SYNE1: variants seen among roughly 807,000 people sequenced by gnomAD.
SYNE1 encodes spectrin repeat containing nuclear envelope protein 1.
Under a neutral mutation model 1,111.0 loss-of-function variants are expected in SYNE1, and 616 were observed. That is an observed-to-expected ratio of 0.55 (90% CI 0.52 to 0.59). The LOEUF (loss-of-function observed/expected upper bound fraction) is 0.59. Ranked by LOEUF, SYNE1 falls within the 20% of genes least tolerant of loss-of-function variation. The probability of loss-of-function intolerance (pLI) is 0.00; values close to 1 mark genes in which losing one functional copy is unlikely to be tolerated. For synonymous variants in SYNE1, 3,855 were observed against 3,825.8 expected (o/e 1.01, Z -0.28); for missense variants, 10,006 against 10,417.0 (o/e 0.96, Z 1.72).
Position 152,331,458 on chromosome 6 carries a change from G to A in SYNE1, c.13227C>T (p.Asp4409=). Residue 4409 remains aspartate, a synonymous_variant, in exon 78 of 146, where the codon GAC becomes GAT. Coordinates refer to ENST00000367255, the MANE Select transcript of SYNE1 (RefSeq NM_182961.4). ...MLLKSLIKDA[D]RVMADLGLNE... Reference sequence around the variant, plus strand: ...TGAGACCAAGATCTGCCATGACCCTGTCTGCGTCCTTTATAAGCGATTTCA... The same window carrying A: ...TGAGACCAAGATCTGCCATGACCCTATCTGCGTCCTTTATAAGCGATTTCA... The A allele has an allele frequency of 6.2e-7, 1 of 1,614,150 alleles. No homozygotes were observed. Among genetic ancestry groups the A allele is most frequent in the Non-Finnish European group, 8.5e-7 (1 of 1,180,032 alleles).
Position 152,167,755 on chromosome 6 carries a change from T to C in SYNE1, c.23628-3430A>G, listed in dbSNP as rs755935908. On this transcript the variant is annotated intron_variant, in intron 130 of 145. Transcript: ENST00000367255. ...TTCAGTTTCATCAGAAGCCCATCCT[T>C]TAAATAGCAGATGATGGACTAACTG... 1.6e-5 allele frequency: 9 copies of C among 546,976 alleles called. No homozygotes were observed. The African/African-American group carries it at 1.7e-4, about 10-fold the overall frequency. The allele number at this position is 546,976 out of a possible 1,614,324, so 33.9% of individuals were successfully genotyped here.
In SYNE1 at chr6:152,263,114, T is replaced by C. The variant is rs377350847; in HGVS notation, c.18816-926A>G. 7.4e-3 allele frequency among the ~76,000 whole-genome samples: 1,110 copies of C among 150,952 alleles called. 13 individuals are homozygous for C. Among genetic ancestry groups the C allele is most frequent in the African/African-American group, 0.025 (1,023 of 40,948 alleles). On this transcript the variant is annotated intron_variant, in intron 100 of 145. Coordinates refer to ENST00000367255, the MANE Select transcript of SYNE1 (RefSeq NM_182961.4). ...GGACACGGAAAGATAGTACAGGGCCTGGGAAGGTAGTACAGGACACAGGAA... is the reference window on the plus strand; with the variant it reads ...GGACACGGAAAGATAGTACAGGGCCCGGGAAGGTAGTACAGGACACAGGAA...
rs115064785 is a variant in SYNE1, at chr6:152,138,680, C to T, written c.25458+1270G>A. 4.6e-3 allele frequency among the ~76,000 whole-genome samples: 702 copies of T among 152,134 alleles called. 7 individuals are homozygous for T. The highest frequency in any genetic ancestry group is 0.016 in the African/African-American group (664 of 41,510). On this transcript the variant is annotated intron_variant, in intron 140 of 145. Transcript: ENST00000367255. ...CACACTTCATTCCTTATCCTGACCC[C>T]GGAGAGCCTAGGTGGCCACATTTTG...
chr6:152,293,831 C>T (rs2094727478), intron 94 of SYNE1, 82 bp from the exon 95 acceptor site: 3 of 1,610,394 alleles, frequency 1.9e-6, no homozygotes, highest in Non-Finnish European at 2.5e-6. Context: ...CAGTGCTTTA[C>T]CTCTGTGGCC....
At chr6:152,362,135 G>A (rs758934185) in intron 64 of SYNE1, 35 bp downstream of exon 64, 3 of 1,613,978 alleles carry the variant, frequency 1.9e-6, no homozygotes, top group Non-Finnish European at 2.5e-6. Context: ...AGAAGCCTGT[G>A]AGAAAACACA....
At position 152,630,703 on chromosome 6, in the gene SYNE1, A is replaced by C. The variant is rs373417535; in HGVS notation, c.-223-2149T>G. Among the ~76,000 whole-genome samples, 13 of 152,284 alleles carry C rather than the reference A, an allele frequency of 8.5e-5. No individual in the cohort carries two copies. The South Asian group carries it at 2.1e-3, about 24-fold the overall frequency. The stretch of plus-strand genomic sequence containing the variant: ...CATGTATGTTAAAGACATTCACTTC[A>C]TTTCAGATACCCCACTCCAAGCTGG... On this transcript the variant is annotated intron_variant, in intron 2 of 145. Transcript: ENST00000367255.
Position 152,576,999 on chromosome 6 carries a change from T to C in SYNE1, c.68-36978A>G, listed in dbSNP as rs147356691. Among the ~76,000 whole-genome samples, 291 of 152,342 alleles carry C rather than the reference T, an allele frequency of 1.9e-3. 2 individuals carry two copies. Among genetic ancestry groups the C allele is most frequent in the African/African-American group, 6.6e-3 (275 of 41,582 alleles). ...TACACATATAAAATGCCAGCTTTTA[T>C]TGTCAGACAATCAAAATTGTTCATA... On this transcript the variant is annotated intron_variant, in intron 3 of 145. Transcript: ENST00000367255.
At chr6:152,393,262 A>G (rs143525430) in intron 51 of SYNE1, among the ~76,000 whole-genome samples, 3,268 of 152,284 alleles carry the variant, frequency 0.021, 38 homozygotes, top group Middle Eastern at 0.034. Context: ...TGGTGTAATG[A>G]TGGCAGGAGA....
chr6:152,568,802 A>G (rs1025790385), intron 3 of SYNE1, among the ~76,000 whole-genome samples: 2 of 152,146 alleles, frequency 1.3e-5, no homozygotes, highest in African/African-American at 4.8e-5. Flanking sequence ...AATGAGAAAA[A>G]TTTTCAGTCC....
At chr6:152,127,126 T>A (rs2053735082) in intron 145 of SYNE1, 1 of 152,184 alleles carries the variant, frequency 6.6e-6, no homozygotes. Context: ...ACATTCTTGC[T>A]AATCCTAAAC....
At chr6:152,508,703 C>G (rs150088130) in intron 8 of SYNE1, among the ~76,000 whole-genome samples, 60 of 152,292 alleles carry the variant, frequency 3.9e-4, no homozygotes, top group African/African-American at 1.3e-3. Context: ...AGTAATGCCA[C>G]TGTGGATGCA....
intron 38 of SYNE1, among the ~76,000 whole-genome samples, chr6:152,426,329 A>G (rs1052282739): frequency 2.6e-5 from 4 of 152,270 alleles, no homozygotes; most frequent in African/African-American, 9.6e-5. Context: ...GATTAGAGGA[A>G]GGAATACACA....
chr6:152,354,961 A>C lies in SYNE1; in HGVS notation c.10624T>G (p.Cys3542Gly), dbSNP rs751032216. Residue 3542 changes from cysteine (C) to glycine (G), a missense_variant, in exon 67 of 146, where the codon TGT (cysteine) becomes GGT (glycine). Physicochemically the swap from Cys to Gly is radical, Grantham distance 159. Transcript: ENST00000367255. ...TTCAACAGGGCCTGCCCCTCTGCAC[A>C]GTGTACCTGTAGCTCCTGCAGAGAA... is the stretch of plus-strand genomic sequence containing the variant. ...LRDLQELQVH[C>G]AEGQALLNSV... is the part of the protein sequence containing the mutation. 7.4e-6 allele frequency: 12 copies of C among 1,613,918 alleles called. No homozygotes were observed. The highest frequency in any genetic ancestry group is 1.3e-5 in the African/African-American group (1 of 74,912).
At chr6:152,547,754 A>G (rs1432695620) in intron 3 of SYNE1, among the ~76,000 whole-genome samples, 2 of 152,188 alleles carry the variant, frequency 1.3e-5, no homozygotes, top group Non-Finnish European at 2.9e-5. Context: ...CATATAAATG[A>G]TATCACACAG....
chr6:152,271,938 C>T (rs747457571), intron 98 of SYNE1, among the ~76,000 whole-genome samples: 4 of 152,160 alleles, frequency 2.6e-5, no homozygotes, highest in South Asian at 2.1e-4. Context: ...GAAAATTCTC[C>T]GAGCCCTGAG....
At chr6:152,246,342 C>T (rs1403678032) in intron 105 of SYNE1, among the ~76,000 whole-genome samples, 1 of 143,918 alleles carries the variant, frequency 6.9e-6, no homozygotes, top group Admixed American at 6.9e-5. Context: ...CTTTAAACAA[C>T]AAAAAAAAAA....
chr6:152,257,693 C>T (rs1044969013), intron 101 of SYNE1, among the ~76,000 whole-genome samples: 5 of 151,766 alleles, frequency 3.3e-5, no homozygotes, highest in African/African-American at 4.8e-5. Flanking sequence ...AAAACTCTTG[C>T]AATAATCAGA....
In SYNE1 at chr6:152,334,390, C is replaced by A; in HGVS notation, c.12529-117G>T. 3.5e-6 allele frequency: 4 copies of A among 1,132,342 alleles called. No individual in the cohort carries two copies. In the South Asian group the frequency reaches 5.9e-5, roughly 17 times the overall value. The allele number at this position is 1,132,342 out of a possible 1,614,324, so 70.1% of individuals were successfully genotyped here. A position where few individuals can be genotyped will look rare whatever the true frequency, so the allele number is the denominator to read the frequency against. ...TCTAAGTTCCTTAATATGAAAAAAACTGAAGAATGTATAATAAGTTATGGG... is the reference window on the plus strand; with the variant it reads ...TCTAAGTTCCTTAATATGAAAAAAAATGAAGAATGTATAATAAGTTATGGG... On this transcript the variant is annotated intron_variant, in intron 76 of 145. Coordinates refer to ENST00000367255, the MANE Select transcript of SYNE1 (RefSeq NM_182961.4).
In SYNE1 at chr6:152,279,379, T is replaced by G. The variant is rs1589249779; in HGVS notation, c.18382-1099A>C. On this transcript the variant is annotated intron_variant, in intron 97 of 145. Transcript: ENST00000367255. ...TATATTAAATAAAGTAATTTGTTAA[T>G]GAGAAAAGATACTTCATTTCCCTAT... Among the ~76,000 whole-genome samples the G allele has an allele frequency of 2.6e-5, 4 of 151,992 alleles. No homozygotes were observed. In the South Asian group the frequency reaches 8.3e-4, roughly 32 times the overall value.
Sources: allele counts gnomAD v4.1 joint callset (sites outside exome capture counted in the v4.1 genomes callset), GRCh38; gene constraint gnomAD v4.1.1; transcripts MANE v1.5; gene names NCBI Gene and HGNC (gene_info 2026-07-23, HGNC 2026-07-21).